Variants in NEXN observed in about 807,000 individuals in gnomAD.
The protein encoded by NEXN is nexilin F-actin binding protein, also known as nexilin.
Under a neutral mutation model 92.6 loss-of-function variants are expected in NEXN, and 65 were observed. The observed-to-expected ratio is 0.70, with a 90% confidence interval of 0.57 to 0.86. The LOEUF (loss-of-function observed/expected upper bound fraction) is 0.86, where lower values mean the gene tolerates loss of function less well. Among genes scored for constraint, NEXN ranks in the 40% least tolerant of loss-of-function variants. The pLI, the probability that NEXN is intolerant of heterozygous loss-of-function variation, is 0.00. For synonymous variants in NEXN, 254 were observed against 242.5 expected (o/e 1.05, Z -0.44); for missense variants, 778 against 771.1 (o/e 1.01, Z -0.11).
At chr1:77,916,867 C>A (rs1649019704) in intron 2 of NEXN, among the ~76,000 whole-genome samples, 1 of 152,170 alleles carries the variant, frequency 6.6e-6, no homozygotes, top group South Asian at 2.1e-4. Context: ...GATTCCCATT[C>A]TTTGTGAAGC....
intron 1 of NEXN, among the ~76,000 whole-genome samples, chr1:77,900,656 C>T (rs894639928): frequency 4.6e-5 from 7 of 152,108 alleles, no homozygotes; most frequent in East Asian, 3.8e-4. Context: ...GATACATATT[C>T]GTCTTCATTT....
At chr1:77,940,788 C>T (rs575097011) in intron 11 of NEXN, among the ~76,000 whole-genome samples, 10 of 152,116 alleles carry the variant, frequency 6.6e-5, no homozygotes, top group Non-Finnish European at 1.0e-4. Flanking sequence ...TTTTCTTAGT[C>T]TTTTATGTAT....
At chr1:77,931,231 CAAAAAAAAAAAAAAAAA>C (rs367898061) in intron 9 of NEXN, among the ~76,000 whole-genome samples, 42 of 120,562 alleles carry the variant, frequency 3.5e-4, no homozygotes, top group Non-Finnish European at 4.6e-4. Flanking sequence ...ACTAAAAATA[CAAAAAAAAAAAAAAAAA>C]AAAAAAAAAA....
At position 77,933,319 on chromosome 1, in the gene NEXN, T is replaced by C; in HGVS notation, c.1091T>C (p.Ile364Thr). The C allele has an allele frequency of 6.2e-7, 1 of 1,607,780 alleles. No homozygotes were observed. Among genetic ancestry groups the C allele is most frequent in the Non-Finnish European group, 8.5e-7 (1 of 1,175,520 alleles). The change falls in exon 10 of 13, where the codon ATC becomes ACC. Residue 364 changes from isoleucine to threonine, a missense_variant. Around this residue, in one of 3 missense-constraint regions of NEXN, gnomAD observed 532 missense variants for 476.7 expected, o/e 1.12. Transcript: ENST00000334785. ...GACTCCCCAGAGATGTATAAGACAA[T>C]CTCTCAAGAATTTCTTACACCGGGA... ...DDDSPEMYKTISQEFLTPGKL... is the reference protein window; with the variant it reads ...DDDSPEMYKTTSQEFLTPGKL...
chr1:77,911,904 C>G (rs1648611885), intron 1 of NEXN, among the ~76,000 whole-genome samples: 1 of 151,704 alleles, frequency 6.6e-6, no homozygotes, highest in African/African-American at 2.4e-5. Flanking sequence ...CATGGTGAAA[C>G]CCCGTCTCTA....
chr1:77,930,319 G>C (rs1186719885), intron 9 of NEXN, among the ~76,000 whole-genome samples: 1 of 152,182 alleles, frequency 6.6e-6, no homozygotes, highest in Non-Finnish European at 1.5e-5. Flanking sequence ...TGTCCAACCA[G>C]TCACTAAGTC....
intron 5 of NEXN, among the ~76,000 whole-genome samples, chr1:77,919,601 G>A (rs1321696029): frequency 1.9e-5 from 1 of 52,528 alleles, no homozygotes. Flanking sequence ...TTTTTTTTTT[G>A]AGACGGAGTT....
chr1:77,921,021 GA>G (rs1380676964), intron 5 of NEXN, among the ~76,000 whole-genome samples: 1 of 151,942 alleles, frequency 6.6e-6, no homozygotes, highest in Non-Finnish European at 1.5e-5. Context: ...TAGTTTGTTG[GA>G]AAAAAAGTAT....
At chr1:77,889,371 T>C (rs1571049646) in intron 1 of NEXN, 1 of 108,344 alleles carries the variant, frequency 9.2e-6, no homozygotes, top group Admixed American at 9.4e-5. Flanking sequence ...TTTTTTTTTT[T>C]CGTGATTCTG....
chr1:77,910,520 A>G (rs569389517), intron 1 of NEXN, among the ~76,000 whole-genome samples: 1 of 152,192 alleles, frequency 6.6e-6, no homozygotes, highest in Non-Finnish European at 1.5e-5. Flanking sequence ...TGGGAGGCCA[A>G]GGCAGGCGGA....
In NEXN at chr1:77,917,772, C is replaced by G; in HGVS notation, c.219+15C>G. On this transcript the variant is annotated intron_variant, in intron 3 of 12. Coordinates refer to ENST00000334785, the MANE Select transcript of NEXN (RefSeq NM_144573.4). Reference sequence around the variant, plus strand: ...GAAAGCAGGAGGTTATTTTATTTTACTTTATTCTCGTGAAAATATTTGTTT... The same window carrying G: ...GAAAGCAGGAGGTTATTTTATTTTAGTTTATTCTCGTGAAAATATTTGTTT... 1.3e-6 allele frequency: 2 copies of G among 1,585,090 alleles called. No individual in the cohort carries two copies. The highest frequency in any genetic ancestry group is 1.7e-6 in the Non-Finnish European group (2 of 1,154,812).
chr1:77,889,565 C>A (rs566541005), intron 1 of NEXN: 3 of 152,274 alleles, frequency 2.0e-5, no homozygotes, highest in South Asian at 2.1e-4. Context: ...TTAGCATTGG[C>A]ATTTATAAAG....
chr1:77,937,770 G>A (rs1650896798), intron 11 of NEXN, among the ~76,000 whole-genome samples: 1 of 152,178 alleles, frequency 6.6e-6, no homozygotes, highest in Non-Finnish European at 1.5e-5. Context: ...CAAGACATCA[G>A]TAACTAAACT....
chr1:77,913,766 G>C (rs1648756552), intron 1 of NEXN, among the ~76,000 whole-genome samples: 1 of 151,978 alleles, frequency 6.6e-6, no homozygotes, highest in Non-Finnish European at 1.5e-5. Context: ...CAGTAATCAT[G>C]GTCCACAAGA....
At chr1:77,899,644 AAATAT>A (rs1410390263) in intron 1 of NEXN, among the ~76,000 whole-genome samples, 2 of 152,030 alleles carry the variant, frequency 1.3e-5, no homozygotes, top group East Asian at 3.9e-4. Flanking sequence ...TTAAAACTTA[AAATAT>A]AATAATAATA....
intron 1 of NEXN, among the ~76,000 whole-genome samples, chr1:77,913,375 A>G (rs2102078976): frequency 6.6e-6 from 1 of 151,738 alleles, no homozygotes; most frequent in South Asian, 2.1e-4. Flanking sequence ...AGATCATGCC[A>G]CTGCTCTCTA....
intron 11 of NEXN, among the ~76,000 whole-genome samples, chr1:77,939,903 G>C (rs1651111965): frequency 6.7e-6 from 1 of 148,768 alleles, no homozygotes; most frequent in East Asian, 1.9e-4. Context: ...GCGAAACCCT[G>C]TCTCTACTAA....
intron 1 of NEXN, among the ~76,000 whole-genome samples, chr1:77,901,121 G>A (rs1368632772): frequency 6.6e-6 from 1 of 152,116 alleles, no homozygotes; most frequent in Non-Finnish European, 1.5e-5. Context: ...ATCTCAAAAT[G>A]TGGTCTTAGA....
intron 10 of NEXN, 71 bp downstream of exon 10, chr1:77,933,550 A>G (rs1650482856): frequency 1.8e-6 from 2 of 1,091,136 alleles, no homozygotes; most frequent in South Asian, 1.4e-5. Context: ...TCACCTTATA[A>G]TAACTTTGTA....
Sources: gnomAD v4.1 joint callset for allele counts (sites outside exome capture counted in the v4.1 genomes callset) on GRCh38, gnomAD v4.1.1 for gene constraint, gnomAD v4.1.1 regional missense constraint, MANE v1.5 for transcripts, NCBI Gene and HGNC (gene_info 2026-07-23, HGNC 2026-07-21) for gene names.